The following ROR2 variants were observed in gnomAD, a reference collection of about 807,000 sequenced individuals.
ROR2 encodes the protein tyrosine-protein kinase transmembrane receptor ROR2.
In ROR2, 33 loss-of-function variants were observed where a neutral mutation model predicts 74.9. The observed-to-expected ratio is 0.44, with a 90% CI of 0.33 to 0.59. The LOEUF (loss-of-function observed/expected upper bound fraction) is 0.59. Ranked by LOEUF, ROR2 falls within the 20% of genes least tolerant of loss-of-function variation. The probability of loss-of-function intolerance (pLI) is 0.02; values close to 1 mark genes in which losing one functional copy is unlikely to be tolerated. For synonymous variants in ROR2, 586 were observed against 558.7 expected, an observed-to-expected ratio of 1.05 and a Z score of -0.69; for missense variants, 1,216 against 1,313.8, an observed-to-expected ratio of 0.93 and a Z score of 1.15.
chr9:91,790,613 C>T (rs1430270498), intron 1 of ROR2, among the ~76,000 whole-genome samples: 1 of 152,024 alleles, frequency 6.6e-6, no homozygotes, highest in Non-Finnish European at 1.5e-5. Flanking sequence ...ACTTACTATA[C>T]TATACTTTCT....
intron 1 of ROR2, among the ~76,000 whole-genome samples, chr9:91,800,733 A>G (rs1191662569): frequency 6.6e-6 from 1 of 152,190 alleles, no homozygotes; most frequent in African/African-American, 2.4e-5. Flanking sequence ...CTCCCAAGCC[A>G]TTCCCAGCGG....
chr9:91,723,990 G>A lies in ROR2; in HGVS notation c.2504C>T (p.Pro835Leu), dbSNP rs1316840459. The change falls in exon 9 of 9, where the codon CCC becomes CTC. Residue 835 changes from proline to leucine, a missense_variant. Coordinates refer to ENST00000375708, the MANE Select transcript of ROR2 (RefSeq NM_004560.4). ...QPVPAYGAYL[P>L]NFYPVQIPMQ... ...TGGGATCTGCACCGGGTAGAAGTTG[G>A]GCAGGTAGGCCCCATAGGCCGGCAC... 2 of 1,612,766 alleles carry A rather than the reference G, an allele frequency of 1.2e-6. No homozygotes were observed. The highest frequency in any genetic ancestry group is 1.3e-5 in the African/African-American group (1 of 74,930).
At chr9:91,730,760 C>T (rs2118680415) in intron 7 of ROR2, 150 bp downstream of exon 7, 1 of 1,118,048 alleles carries the variant, frequency 8.9e-7, no homozygotes, top group East Asian at 2.5e-5. Context: ...GGCCCAACAG[C>T]TTTATTTAAA....
chr9:91,799,122 G>A (rs1827291499), intron 1 of ROR2, among the ~76,000 whole-genome samples: 1 of 152,192 alleles, frequency 6.6e-6, no homozygotes, highest in Non-Finnish European at 1.5e-5. Context: ...TGTGTGTGGT[G>A]GAGCCAAGTT....
chr9:91,748,474 T>C (rs1006619001), intron 4 of ROR2, among the ~76,000 whole-genome samples: 1 of 152,150 alleles, frequency 6.6e-6, no homozygotes, highest in African/African-American at 2.4e-5. Context: ...AAAAAAGTAT[T>C]TGTAGAAAAC....
chr9:91,728,139 C>A (rs1053603935), intron 7 of ROR2, among the ~76,000 whole-genome samples: 6 of 152,186 alleles, frequency 3.9e-5, no homozygotes, highest in Non-Finnish European at 7.3e-5. Context: ...ACACCATCAC[C>A]TGCTTTTATT....
chr9:91,948,467 G>T, intron 1 of ROR2: 2 of 626,670 alleles, frequency 3.2e-6, no homozygotes, highest in Non-Finnish European at 4.0e-6. Context: ...ACTCTGAGCG[G>T]TTTATGCTTT....
chr9:91,743,146 A>G (rs764101771), intron 4 of ROR2, among the ~76,000 whole-genome samples: 2 of 152,258 alleles, frequency 1.3e-5, no homozygotes, highest in African/African-American at 2.4e-5. Flanking sequence ...GCATGACTGT[A>G]TAACAGAGTG....
chr9:91,892,110 T>C (rs1830436408), intron 1 of ROR2, among the ~76,000 whole-genome samples: 2 of 148,620 alleles, frequency 1.3e-5, no homozygotes, highest in African/African-American at 5.0e-5. Context: ...ACAGTTTCAA[T>C]CTTTGACTTC....
chr9:91,832,357 G>A (rs1471187490), intron 1 of ROR2, among the ~76,000 whole-genome samples: 1 of 119,118 alleles, frequency 8.4e-6, no homozygotes, highest in Non-Finnish European at 1.7e-5. Flanking sequence ...AACTTCTGGG[G>A]TCACAATGGC....
chr9:91,936,259 A>G (rs1328181641), intron 1 of ROR2, among the ~76,000 whole-genome samples: 2 of 152,226 alleles, frequency 1.3e-5, no homozygotes, highest in South Asian at 2.1e-4. Flanking sequence ...ACTAAGCACC[A>G]CAAACTGGGC....
At chr9:91,864,053 G>T (rs1461005322) in intron 1 of ROR2, among the ~76,000 whole-genome samples, 1 of 152,168 alleles carries the variant, frequency 6.6e-6, no homozygotes, top group Non-Finnish European at 1.5e-5. Flanking sequence ...GTGGGTTCAG[G>T]AAAAGATGCA....
chr9:91,815,236 C>A (rs933344909), intron 1 of ROR2, among the ~76,000 whole-genome samples: 5 of 152,138 alleles, frequency 3.3e-5, no homozygotes, highest in African/African-American at 4.8e-5. Context: ...AAATGATATG[C>A]ATTACATTTT....
At chr9:91,942,659 C>T (rs931868487) in intron 1 of ROR2, among the ~76,000 whole-genome samples, 1 of 151,962 alleles carries the variant, frequency 6.6e-6, no homozygotes, top group African/African-American at 2.4e-5. Flanking sequence ...AATAGTCTTT[C>T]CAGTAGTAAT....
chr9:91,780,182 C>A (rs536195231), intron 1 of ROR2, among the ~76,000 whole-genome samples: 2 of 152,056 alleles, frequency 1.3e-5, no homozygotes, highest in African/African-American at 2.4e-5. Flanking sequence ...ACGAGACCAT[C>A]CTGGCTAACA....
At chr9:91,874,251 G>A (rs1829890572) in intron 1 of ROR2, among the ~76,000 whole-genome samples, 1 of 152,152 alleles carries the variant, frequency 6.6e-6, no homozygotes, top group Non-Finnish European at 1.5e-5. Flanking sequence ...CTCTGTGGCG[G>A]CCACTTGGCC....
At chr9:91,773,037 A>G (rs940492306) in intron 2 of ROR2, among the ~76,000 whole-genome samples, 3 of 152,188 alleles carry the variant, frequency 2.0e-5, no homozygotes, top group Admixed American at 6.5e-5. Context: ...CATCATGAAT[A>G]TGCAGCTGTT....
chr9:91,725,268 A>G (rs1397237117), intron 8 of ROR2, among the ~76,000 whole-genome samples, 161 bp from the exon 9 acceptor site: 1 of 151,792 alleles, frequency 6.6e-6, no homozygotes, highest in African/African-American at 2.4e-5. Context: ...CTGCCCACCC[A>G]CAGCTCTCTA....
chr9:91,935,057 T>C (rs1402504772), intron 1 of ROR2, among the ~76,000 whole-genome samples: 1 of 152,204 alleles, frequency 6.6e-6, no homozygotes, highest in African/African-American at 2.4e-5. Flanking sequence ...CTGCATCTCA[T>C]TTCAATCTAA....
Sources: gnomAD v4.1 joint callset for allele counts (sites outside exome capture counted in the v4.1 genomes callset) on GRCh38, gnomAD v4.1.1 for gene constraint, MANE v1.5 for transcripts, NCBI Gene and HGNC (gene_info 2026-07-23, HGNC 2026-07-21) for gene names.